The following KCNQ1 variants were observed in gnomAD, a reference collection of about 807,000 sequenced individuals.
KCNQ1 encodes the protein potassium voltage-gated channel subfamily Q member 1.
In KCNQ1, 49 loss-of-function variants were observed where a neutral mutation model predicts 72.4. The observed-to-expected ratio is 0.68, with a 90% CI of 0.54 to 0.86. The LOEUF (loss-of-function observed/expected upper bound fraction) is 0.86. KCNQ1 is among the 40% of genes least tolerant of loss of function. The pLI, the probability that KCNQ1 is intolerant of heterozygous loss-of-function variation, is 0.00. For synonymous variants in KCNQ1, 450 were observed against 412.6 expected (o/e 1.09, Z -1.10); for missense variants, 790 against 945.1 (o/e 0.84, Z 2.15).
Position 2,695,371 on chromosome 11 carries a change from G to C in KCNQ1, c.1514+33290G>C, listed in dbSNP as rs1025234149. On this transcript the variant is annotated intron_variant, in intron 11 of 15. Coordinates refer to ENST00000155840, the MANE Select transcript of KCNQ1 (RefSeq NM_000218.3). This position sits in a 1 kb window ranked among gnomAD's most constrained non-coding sequence, Gnocchi z 5.2. ...ACTCACGAGCACTCCCTAGTACTGC[G>C]TGTCTGGGTGGTGTGTAATTTTAAT... 2.5e-6 allele frequency: 1 copy of C among 398,402 alleles called. No homozygotes were observed. The highest frequency in any genetic ancestry group is 4.4e-6 in the Non-Finnish European group (1 of 226,076). The allele number at this position is 398,402 out of a possible 1,614,324, so 24.7% of individuals were successfully genotyped here.
chr11:2,630,362 C>A (rs1418362507), intron 10 of KCNQ1: 2 of 397,676 alleles, frequency 5.0e-6, no homozygotes, highest in Non-Finnish European at 8.9e-6. Flanking sequence ...AAATATCAGC[C>A]AGTTATTTTC....
Position 2,670,663 on chromosome 11 carries a change from T to A in KCNQ1, c.1514+8582T>A. The A allele has an allele frequency of 5.0e-6, 2 of 398,452 alleles. No homozygotes were observed. The highest frequency in any genetic ancestry group is 8.8e-6 in the Non-Finnish European group (2 of 226,090). 24.7% of individuals were successfully genotyped at this position (398,452 alleles called of 1,614,324 possible). A position where few individuals can be genotyped will look rare whatever the true frequency, so the allele number is the denominator to read the frequency against. On this transcript the variant is annotated intron_variant, in intron 11 of 15. Transcript: ENST00000155840. This position sits in a 1 kb window ranked among gnomAD's most constrained non-coding sequence, Gnocchi z 4.9. ...GGCCAGGATGAACCCTGAAGATTGGTAGGAAGGCAGTGTAGCAGTAACAAG... is the reference window on the plus strand; with the variant it reads ...GGCCAGGATGAACCCTGAAGATTGGAAGGAAGGCAGTGTAGCAGTAACAAG...
Position 2,759,820 on chromosome 11 carries a change from C to T in KCNQ1, c.1515-9024C>T, listed in dbSNP as rs957332785. ...AGGGACACAGGTGAGGCCAGCCCCTCCTCCACCCTGGGCATCTCCAGGCCC... is the reference window on the plus strand; with the variant it reads ...AGGGACACAGGTGAGGCCAGCCCCTTCTCCACCCTGGGCATCTCCAGGCCC... On this transcript the variant is annotated intron_variant, in intron 11 of 15. Transcript: ENST00000155840. The surrounding 1 kb of genome is among the most constrained non-coding windows in gnomAD (Gnocchi z 4.4). 1.3e-5 allele frequency among the ~76,000 whole-genome samples: 2 copies of T among 152,082 alleles called. No homozygotes were observed. Among genetic ancestry groups the T allele is most frequent in the Non-Finnish European group, 2.9e-5 (2 of 67,974 alleles).
rs998026117 is a variant in KCNQ1, at chr11:2,464,022, G to T, written c.386+18538G>T. Among the ~76,000 whole-genome samples, 10 of 152,236 alleles carry T rather than the reference G, an allele frequency of 6.6e-5. No homozygotes were observed. Among genetic ancestry groups the T allele is most frequent in the Admixed American group, 1.3e-4 (2 of 15,294 alleles). ...GACAGGCCCTGACTCTGCAGAGCAG[G>T]ACTGTGGAAAATGGACACTGATGCT... On this transcript the variant is annotated intron_variant, in intron 1 of 15. Transcript: ENST00000155840. This position sits in a 1 kb window ranked among gnomAD's most constrained non-coding sequence, Gnocchi z 5.0.
At chr11:2,555,885 G>A (rs1848062463) in intron 2 of KCNQ1, among the ~76,000 whole-genome samples, 1 of 152,178 alleles carries the variant, frequency 6.6e-6, no homozygotes, top group Non-Finnish European at 1.5e-5. Flanking sequence ...TAGGCCCACA[G>A]GGACCCCGCC....
chr11:2,754,987 G>A lies in KCNQ1; in HGVS notation c.1515-13857G>A, dbSNP rs567448735. On this transcript the variant is annotated intron_variant, in intron 11 of 15. Coordinates refer to ENST00000155840, the MANE Select transcript of KCNQ1 (RefSeq NM_000218.3). ...CCCAACACACATCAGAATAACAGAC[G>A]TTTACTCTCTTTCACTTCTGTCGGT... is the stretch of plus-strand genomic sequence containing the variant. 1.1e-4 allele frequency among the ~76,000 whole-genome samples: 16 copies of A among 152,284 alleles called. 1 individual carries two copies. The South Asian group carries it at 1.9e-3, about 18-fold the overall frequency.
In KCNQ1 at chr11:2,516,399, G is replaced by C. The variant is rs1345138470; in HGVS notation, c.387-11529G>C. Among the ~76,000 whole-genome samples the C allele has an allele frequency of 6.6e-6, 1 of 152,098 alleles. No homozygotes were observed. Among genetic ancestry groups the C allele is most frequent in the African/African-American group, 2.4e-5 (1 of 41,404 alleles). ...ACCGGGATTCTTGGGGGCCACCATA[G>C]AGCCTGTTTTTAAAGGGGATGTGGC... On this transcript the variant is annotated intron_variant, in intron 1 of 15. Transcript: ENST00000155840. The surrounding 1 kb of genome is among the most constrained non-coding windows in gnomAD (Gnocchi z 7.0).
At chr11:2,633,538 T>C in intron 10 of KCNQ1, 1 of 398,556 alleles carries the variant, frequency 2.5e-6, no homozygotes, top group Admixed American at 4.4e-5. Flanking sequence ...TTTGAGTTGA[T>C]TTTTTTATAT....
Position 2,623,123 on chromosome 11 carries a change from A to G in KCNQ1, c.1393+34269A>G, listed in dbSNP as rs1849202442. On this transcript the variant is annotated intron_variant, in intron 10 of 15. Coordinates refer to ENST00000155840, the MANE Select transcript of KCNQ1 (RefSeq NM_000218.3). This position sits in a 1 kb window ranked among gnomAD's most constrained non-coding sequence, Gnocchi z 5.2. ...TGTTTAAACGTGTGTGGCACTTCCCATCTCACTTTCTTTCCCTCTCCTGTT... is the reference window on the plus strand; with the variant it reads ...TGTTTAAACGTGTGTGGCACTTCCCGTCTCACTTTCTTTCCCTCTCCTGTT... The G allele has an allele frequency of 5.0e-6, 2 of 398,470 alleles. No homozygotes were observed. The highest frequency in any genetic ancestry group is 4.4e-6 in the Non-Finnish European group (1 of 226,034). 24.7% of individuals were successfully genotyped at this position (398,470 alleles called of 1,614,324 possible). A position where few individuals can be genotyped will look rare whatever the true frequency, so the allele number is the denominator to read the frequency against.
intron 14 of KCNQ1, among the ~76,000 whole-genome samples, chr11:2,777,341 T>TC (rs1554920872): frequency 6.9e-6 from 1 of 145,138 alleles, no homozygotes; most frequent in Non-Finnish European, 1.5e-5. Flanking sequence ...AAGGGGGTGA[T>TC]CCTGGGGTGG....
At chr11:2,619,820 G>A (rs1195304060) in intron 10 of KCNQ1, 6 of 398,186 alleles carry the variant, frequency 1.5e-5, no homozygotes, top group Non-Finnish European at 2.7e-5. Context: ...AAGCTATCTG[G>A]TCCTGGGCTT....
At chr11:2,655,417 C>G (rs1195040987) in intron 10 of KCNQ1, 2 of 398,556 alleles carry the variant, frequency 5.0e-6, no homozygotes, top group Non-Finnish European at 8.8e-6. Context: ...CTCTTTGTCC[C>G]CAGGGCCAGC....
At chr11:2,619,546 G>C in intron 10 of KCNQ1, 1 of 398,448 alleles carries the variant, frequency 2.5e-6, no homozygotes, top group South Asian at 1.3e-4. Flanking sequence ...TCTTTTTGAT[G>C]TATTGTTAAA....
chr11:2,687,011 A>G lies in KCNQ1; in HGVS notation c.1514+24930A>G, dbSNP rs1850501131. 2.5e-6 allele frequency: 1 copy of G among 398,566 alleles called. No homozygotes were observed. The highest frequency in any genetic ancestry group is 2.1e-5 in the African/African-American group (1 of 48,644). The allele number at this position is 398,566 out of a possible 1,614,324, so 24.7% of individuals were successfully genotyped here. ...GGCCCTGACTTGCTAAGATGGGAGC[A>G]AGAGCTTAGGGCTAAAACTCAGCAG... On this transcript the variant is annotated intron_variant, in intron 11 of 15. Coordinates refer to ENST00000155840, the MANE Select transcript of KCNQ1 (RefSeq NM_000218.3). This position sits in a 1 kb window ranked among gnomAD's most constrained non-coding sequence, Gnocchi z 5.0.
At chr11:2,596,955 C>A (rs1339598521) in intron 10 of KCNQ1, among the ~76,000 whole-genome samples, 1 of 151,702 alleles carries the variant, frequency 6.6e-6, no homozygotes, top group African/African-American at 2.4e-5. Flanking sequence ...CTAAAGAAAC[C>A]AGTTGCCACT....
chr11:2,796,994 G>A lies in KCNQ1; in HGVS notation c.1794+18957G>A, dbSNP rs79073509. 6.9e-4 allele frequency among the ~76,000 whole-genome samples: 105 copies of A among 152,358 alleles called. No homozygotes were observed. In the East Asian group the frequency reaches 0.015, roughly 21 times the overall value. On this transcript the variant is annotated intron_variant, in intron 15 of 15. Coordinates refer to ENST00000155840, the MANE Select transcript of KCNQ1 (RefSeq NM_000218.3). Reference sequence around the variant, plus strand: ...GGGCCAGAGAGGCGAAATTAGATCCGTGGGGAGAGATTTTACAACGTATGG... The same window carrying A: ...GGGCCAGAGAGGCGAAATTAGATCCATGGGGAGAGATTTTACAACGTATGG...
At chr11:2,718,193 A>C (rs1851129152) in intron 11 of KCNQ1, among the ~76,000 whole-genome samples, 1 of 152,130 alleles carries the variant, frequency 6.6e-6, no homozygotes, top group Non-Finnish European at 1.5e-5. Flanking sequence ...CTCCCCTGAC[A>C]GCTGCCTTCC....
intron 11 of KCNQ1, among the ~76,000 whole-genome samples, chr11:2,730,268 C>A (rs1345963504): frequency 6.6e-6 from 1 of 152,194 alleles, no homozygotes; most frequent in Admixed American, 6.5e-5. Flanking sequence ...TTGAGAGGGA[C>A]CATTTTAGCT....
chr11:2,714,435 C>A (rs1851055512), intron 11 of KCNQ1, among the ~76,000 whole-genome samples: 1 of 152,216 alleles, frequency 6.6e-6, no homozygotes, highest in African/African-American at 2.4e-5. Flanking sequence ...GGCAGCTGGA[C>A]AGCCCCTCTG....
Sources: allele counts gnomAD v4.1 joint callset (sites outside exome capture counted in the v4.1 genomes callset), GRCh38; gene constraint gnomAD v4.1.1; non-coding constraint Gnocchi (gnomAD v3.1); transcripts MANE v1.5; gene names NCBI Gene and HGNC (gene_info 2026-07-23, HGNC 2026-07-21).